NDC1: variants seen among roughly 807,000 people sequenced by gnomAD.
NDC1 encodes the protein NDC1 transmembrane nucleoporin, also known as nucleoporin NDC1.
A neutral mutation model predicts 89.8 loss-of-function variants in NDC1; 24 were observed. The observed-to-expected ratio is 0.27, with a 90% CI of 0.19 to 0.38. The LOEUF is 0.38. Among genes scored for constraint, NDC1 ranks in the 10% least tolerant of loss-of-function variants. The pLI, the probability that NDC1 is intolerant of heterozygous loss-of-function variation, is 1.00. For synonymous variants in NDC1, 296 were observed against 284.8 expected (o/e 1.04, Z -0.39); for missense variants, 728 against 797.6 (o/e 0.91, Z 1.05).
At chr1:53,779,810 A>G (rs1647189633) in intron 16 of NDC1, among the ~76,000 whole-genome samples, 1 of 152,194 alleles carries the variant, frequency 6.6e-6, no homozygotes, top group Non-Finnish European at 1.5e-5. Flanking sequence ...AATACTATGC[A>G]AATGTTAGGT....
chr1:53,836,313 C>T (rs1229388056), intron 1 of NDC1, among the ~76,000 whole-genome samples: 2 of 151,956 alleles, frequency 1.3e-5, no homozygotes, highest in Non-Finnish European at 2.9e-5. Context: ...TTTGGGAGGC[C>T]AGGGTGGGCG....
intron 6 of NDC1, among the ~76,000 whole-genome samples, chr1:53,818,589 C>T (rs1004015232): frequency 1.3e-5 from 2 of 152,134 alleles, no homozygotes; most frequent in Non-Finnish European, 2.9e-5. Context: ...CCCAACTCTC[C>T]AGGCTGACAA....
Position 53,787,006 on chromosome 1 carries a change from T to C in NDC1, c.1800+152A>G, listed in dbSNP as rs1251227317. ...CCACACCAGCATCTTTTCTGTCTTT[T>C]AGATTGTAATTTCCTGAGGGTGAAA... On this transcript the variant is annotated intron_variant, in intron 16 of 17. Transcript: ENST00000371429. 5.4e-6 allele frequency: 3 copies of C among 555,516 alleles called. No homozygotes were observed. The East Asian group carries it at 8.7e-5, about 16-fold the overall frequency. The allele number at this position is 555,516 out of a possible 1,614,324, so 34.4% of individuals were successfully genotyped here.
chr1:53,830,243 C>T (rs1649010371), intron 3 of NDC1, among the ~76,000 whole-genome samples: 1 of 151,980 alleles, frequency 6.6e-6, no homozygotes, highest in Non-Finnish European at 1.5e-5. Flanking sequence ...CACTTGAGGT[C>T]GGGAGTTCGA....
intron 16 of NDC1, among the ~76,000 whole-genome samples, 195 bp from the exon 17 acceptor site, chr1:53,772,684 AAC>A (rs1570151881): frequency 1.3e-5 from 2 of 151,246 alleles, no homozygotes; most frequent in East Asian, 3.9e-4. Context: ...AACATAACAT[AAC>A]ATAACATAAC....
intron 15 of NDC1, 121 bp downstream of exon 15, chr1:53,789,012 T>C: frequency 1.5e-6 from 1 of 664,166 alleles, no homozygotes. Context: ...AACAAAGATA[T>C]AAAAACGAAT....
chr1:53,784,531 G>A (rs1647259146), intron 16 of NDC1, among the ~76,000 whole-genome samples: 1 of 152,088 alleles, frequency 6.6e-6, no homozygotes, highest in Admixed American at 6.5e-5. Flanking sequence ...AGTGGCTCAC[G>A]CCTATAATCC....
chr1:53,780,937 T>C (rs1013737452), intron 16 of NDC1, among the ~76,000 whole-genome samples: 1 of 151,782 alleles, frequency 6.6e-6, no homozygotes, highest in Non-Finnish European at 1.5e-5. Context: ...CACTACAGCC[T>C]CAAATTCCTG....
chr1:53,794,269 A>G (rs1435600038), intron 13 of NDC1, among the ~76,000 whole-genome samples: 1 of 152,152 alleles, frequency 6.6e-6, no homozygotes, highest in Non-Finnish European at 1.5e-5. Context: ...AAAATATCTT[A>G]AGACACAAAG....
intron 9 of NDC1, among the ~76,000 whole-genome samples, chr1:53,804,972 T>C (rs980498299): frequency 1.3e-5 from 2 of 152,188 alleles, no homozygotes; most frequent in Non-Finnish European, 2.9e-5. Context: ...CTGTGCTATG[T>C]CTTATTCATC....
intron 11 of NDC1, among the ~76,000 whole-genome samples, chr1:53,797,665 TG>T (rs2100652176): frequency 6.6e-6 from 1 of 152,334 alleles, no homozygotes; most frequent in South Asian, 2.1e-4. Flanking sequence ...GATCTTGCTC[TG>T]TAGCCCAGAT....
chr1:53,789,223 G>A, intron 14 of NDC1, 27 bp from the exon 15 acceptor site: 2 of 1,539,750 alleles, frequency 1.3e-6, no homozygotes, highest in South Asian at 1.2e-5. Context: ...AAACATTCAA[G>A]TGAATTCCCC....
chr1:53,787,991 A>C (rs1038452893), intron 15 of NDC1, among the ~76,000 whole-genome samples: 2 of 152,128 alleles, frequency 1.3e-5, no homozygotes, highest in Non-Finnish European at 2.9e-5. Flanking sequence ...ACAGCTCTTT[A>C]ACAACTAAGT....
At chr1:53,794,210 A>G (rs1245484095) in intron 13 of NDC1, among the ~76,000 whole-genome samples, 1 of 152,170 alleles carries the variant, frequency 6.6e-6, no homozygotes, top group Non-Finnish European at 1.5e-5. Context: ...TCCCGGGCTC[A>G]AGCAATGTTC....
intron 5 of NDC1, among the ~76,000 whole-genome samples, chr1:53,824,693 G>T (rs566293940): frequency 5.4e-4 from 82 of 152,266 alleles, no homozygotes; most frequent in South Asian, 1.0e-3. Flanking sequence ...TCAGTTCCAG[G>T]AATGACTCCT....
intron 3 of NDC1, among the ~76,000 whole-genome samples, chr1:53,829,617 T>C (rs749187847): frequency 6.6e-6 from 1 of 152,172 alleles, no homozygotes; most frequent in Non-Finnish European, 1.5e-5. Context: ...TTCTCTTTTC[T>C]CTCCACACAA....
intron 7 of NDC1, 31 bp from the exon 8 acceptor site, chr1:53,807,822 T>C (rs758251412): frequency 4.4e-6 from 7 of 1,573,202 alleles, no homozygotes; most frequent in Admixed American, 2.1e-5. Flanking sequence ...ATTAATCCTC[T>C]AGGAAAAATG....
Position 53,838,295 on chromosome 1 carries a change from A to T in NDC1, c.-34T>A. 6.6e-7 allele frequency: 1 copy of T among 1,508,596 alleles called. No individual in the cohort carries two copies. The highest frequency in any genetic ancestry group is 8.9e-7 in the Non-Finnish European group (1 of 1,126,534). 93.5% of individuals were successfully genotyped at this position (1,508,596 alleles called of 1,614,324 possible). On this transcript the variant is annotated 5_prime_UTR_variant, in exon 1 of 18. Coordinates refer to ENST00000371429, the MANE Select transcript of NDC1 (RefSeq NM_018087.5). Reference sequence around the variant, plus strand: ...CGGCCCCTAGTCTAGGGCGTACAGGAGACCGTGCGCCCGCCCGCCACCGCA... The same window carrying T: ...CGGCCCCTAGTCTAGGGCGTACAGGTGACCGTGCGCCCGCCCGCCACCGCA...
At chr1:53,833,366 C>T (rs908269548) in intron 2 of NDC1, among the ~76,000 whole-genome samples, 1 of 152,034 alleles carries the variant, frequency 6.6e-6, no homozygotes, top group African/African-American at 2.4e-5. Flanking sequence ...AAACTCCTGA[C>T]CTCAAGTAAT....
Sources: gnomAD v4.1 joint callset for allele counts (sites outside exome capture counted in the v4.1 genomes callset) on GRCh38, gnomAD v4.1.1 for gene constraint, MANE v1.5 for transcripts, NCBI Gene and HGNC (gene_info 2026-07-23, HGNC 2026-07-21) for gene names.